The following TBC1D5 variants were observed in gnomAD, a reference collection of about 807,000 sequenced individuals.
TBC1D5 encodes the protein TBC1 domain family, member 5.
TBC1D5 carries 75 observed loss-of-function variants against 100.3 expected under a neutral mutation model. The ratio of observed to expected loss-of-function variants is 0.75; its 90% CI spans 0.62 to 0.91. The LOEUF is 0.91. Ranked by LOEUF, TBC1D5 falls within the 40% of genes least tolerant of loss-of-function variation. TBC1D5 has a pLI of 0.00. For missense variants in TBC1D5, 910 were observed against 942.4 expected (o/e 0.97, Z 0.45); for synonymous variants, 323 against 325.6 (o/e 0.99, Z 0.09).
At chr3:17,614,389 T>C (rs2061947008) in intron 2 of TBC1D5, among the ~76,000 whole-genome samples, 1 of 152,248 alleles carries the variant, frequency 6.6e-6, no homozygotes, top group African/African-American at 2.4e-5. Context: ...TGGTTCCATA[T>C]GAACTTTAAA....
At chr3:17,690,681 C>A (rs56059241) in intron 1 of TBC1D5, among the ~76,000 whole-genome samples, 76,000 of 151,886 alleles carry the variant, frequency 0.5, 20,552 homozygotes, top group East Asian at 0.94. Flanking sequence ...AGACTGCTAA[C>A]CCTTTTGTGA....
chr3:17,291,173 T>C (rs932522686), intron 15 of TBC1D5, among the ~76,000 whole-genome samples: 1 of 152,242 alleles, frequency 6.6e-6, no homozygotes, highest in African/African-American at 2.4e-5. Flanking sequence ...TATTCGTGTT[T>C]GAAGCTTTCT....
intron 2 of TBC1D5, among the ~76,000 whole-genome samples, chr3:17,585,306 G>A (rs1251809951): frequency 6.6e-6 from 1 of 152,112 alleles, no homozygotes; most frequent in Non-Finnish European, 1.5e-5. Context: ...AGTTAAACAT[G>A]TTTCAAACCA....
chr3:17,273,532 G>A (rs947535261), intron 15 of TBC1D5, among the ~76,000 whole-genome samples: 2 of 151,924 alleles, frequency 1.3e-5, no homozygotes, highest in South Asian at 2.1e-4. Flanking sequence ...ATTCTTACAC[G>A]CAGCCACCCT....
chr3:17,461,534 A>G (rs1335652315), intron 3 of TBC1D5, among the ~76,000 whole-genome samples: 1 of 152,214 alleles, frequency 6.6e-6, no homozygotes, highest in African/African-American at 2.4e-5. Context: ...TAGAATTTAA[A>G]AAATAACCAT....
At chr3:17,738,627 G>A (rs921104444) in intron 1 of TBC1D5, among the ~76,000 whole-genome samples, 18 of 152,108 alleles carry the variant, frequency 1.2e-4, no homozygotes, top group Admixed American at 8.5e-4. Context: ...TGGGATAACC[G>A]TAAGTAATGA....
chr3:17,718,401 T>C (rs909828028), intron 1 of TBC1D5, among the ~76,000 whole-genome samples: 1 of 151,976 alleles, frequency 6.6e-6, no homozygotes, highest in African/African-American at 2.4e-5. Context: ...ATCGAGACCA[T>C]CCTAGCTAAC....
chr3:17,544,669 C>G (rs1415502337), intron 2 of TBC1D5, among the ~76,000 whole-genome samples: 1 of 130,218 alleles, frequency 7.7e-6, no homozygotes, highest in Admixed American at 7.3e-5. Context: ...AAAAAAAAAG[C>G]ACCTTAAGAA....
intron 1 of TBC1D5, among the ~76,000 whole-genome samples, chr3:17,720,845 T>G (rs1387372663): frequency 6.6e-6 from 1 of 151,986 alleles, no homozygotes; most frequent in Non-Finnish European, 1.5e-5. Context: ...TTCTTTTTGT[T>G]TGTTTGTTTT....
intron 2 of TBC1D5, among the ~76,000 whole-genome samples, chr3:17,529,466 T>G (rs1452281377): frequency 6.6e-6 from 1 of 152,048 alleles, no homozygotes; most frequent in African/African-American, 2.4e-5. Context: ...TTTCCATCAT[T>G]GTACTTATCA....
chr3:17,227,433 T>C (rs2075010469), intron 17 of TBC1D5, among the ~76,000 whole-genome samples: 1 of 152,174 alleles, frequency 6.6e-6, no homozygotes, highest in Non-Finnish European at 1.5e-5. Flanking sequence ...TGATGATTAT[T>C]TCAATGTTTT....
At chr3:17,406,442 G>A (rs2093772317) in exon 5 of TBC1D5, 3 of 1,609,362 alleles carry the variant, frequency 1.9e-6, no homozygotes, top group Admixed American at 3.4e-5. Flanking sequence ...TGCGGAACCT[G>A]CTGCTTCTCA....
At chr3:17,515,729 T>C (rs2095977288) in intron 2 of TBC1D5, among the ~76,000 whole-genome samples, 2 of 152,306 alleles carry the variant, frequency 1.3e-5, no homozygotes, top group South Asian at 4.1e-4. Flanking sequence ...ATCTGAGATA[T>C]TGAGATAAAC....
chr3:17,515,034 C>A (rs1164518700), intron 2 of TBC1D5, among the ~76,000 whole-genome samples: 1 of 151,366 alleles, frequency 6.6e-6, no homozygotes, highest in African/African-American at 2.4e-5. Flanking sequence ...AAGGTTAATA[C>A]AACATACAAT....
chr3:17,328,777 T>C (rs2086511922), intron 13 of TBC1D5, among the ~76,000 whole-genome samples: 1 of 152,224 alleles, frequency 6.6e-6, no homozygotes, highest in Non-Finnish European at 1.5e-5. Flanking sequence ...ATAAAATTCC[T>C]TATGAATTGT....
chr3:17,612,887 T>C (rs2061794363), intron 2 of TBC1D5, among the ~76,000 whole-genome samples: 4 of 147,852 alleles, frequency 2.7e-5, no homozygotes, highest in South Asian at 2.1e-4. Flanking sequence ...AGCCCCCTTT[T>C]CTTTTTTTTT....
chr3:17,690,966 G>C (rs1236437197), intron 1 of TBC1D5, among the ~76,000 whole-genome samples: 1 of 152,166 alleles, frequency 6.6e-6, no homozygotes, highest in East Asian at 1.9e-4. Flanking sequence ...AAAAAAATCT[G>C]TTTAAGGGTT....
intron 2 of TBC1D5, among the ~76,000 whole-genome samples, chr3:17,568,349 T>C (rs990917512): frequency 2.6e-5 from 4 of 151,454 alleles, no homozygotes; most frequent in African/African-American, 4.8e-5. Flanking sequence ...CACATTAACA[T>C]AGTTTGGTTA....
intron 1 of TBC1D5, among the ~76,000 whole-genome samples, chr3:17,712,953 C>T (rs1210761284): frequency 1.3e-4 from 20 of 152,142 alleles, no homozygotes; most frequent in Non-Finnish European, 2.6e-4. Flanking sequence ...TTCTGACAGC[C>T]TACTTTTTAT....
Sources: gnomAD v4.1 joint callset for allele counts (sites outside exome capture counted in the v4.1 genomes callset) on GRCh38, gnomAD v4.1.1 for gene constraint, MANE v1.5 for transcripts, NCBI Gene and HGNC (gene_info 2026-07-23, HGNC 2026-07-21) for gene names.